SV2C: variants seen among roughly 807,000 people sequenced by gnomAD.
The protein encoded by SV2C is solute carrier family 22 member B3.
Under a neutral mutation model 79.7 loss-of-function variants are expected in SV2C, and 49 were observed. The observed-to-expected ratio is 0.61, with a 90% CI of 0.49 to 0.78. SV2C has a LOEUF of 0.78. Among genes scored for constraint, SV2C ranks in the 30% least tolerant of loss-of-function variants. The pLI, the probability that SV2C is intolerant of heterozygous loss-of-function variation, is 0.00. For missense variants in SV2C, 833 were observed against 912.9 expected, an observed-to-expected ratio of 0.91 and a Z score of 1.13; for synonymous variants, 334 against 333.2, an observed-to-expected ratio of 1.00 and a Z score of -0.03.
intron 4 of SV2C, among the ~76,000 whole-genome samples, chr5:76,237,888 G>A (rs982857762): frequency 3.3e-5 from 5 of 151,842 alleles, no homozygotes; most frequent in African/African-American, 1.2e-4. Context: ...ATATTCAAAT[G>A]TGTCTGTTAC....
In SV2C at chr5:76,132,094, A is replaced by G. The variant is rs1748915051; in HGVS notation, c.344A>G (p.Asp115Gly). The G allele has an allele frequency of 6.2e-7, 1 of 1,613,612 alleles. No homozygotes were observed. The highest frequency in any genetic ancestry group is 1.1e-5 in the South Asian group (1 of 91,004). ...GTGTCAGTGGGGCAGCCCAAGGGCG[A>G]TGAGTACAAGGACCGGCGGGAGCTG... ...SIVSVGQPKG[D>G]EYKDRRELES... The change falls in exon 2 of 13, where the codon GAT (aspartate) becomes GGT (glycine). Residue 115 changes from aspartate (D) to glycine (G), a missense_variant. By Grantham distance (94) the Asp-to-Gly change is moderately conservative. Transcript: ENST00000502798.
the SV2C span, among the ~76,000 whole-genome samples, chr5:75,922,611 G>A: frequency 6.6e-6 from 1 of 152,206 alleles, no homozygotes; most frequent in Non-Finnish European, 1.5e-5. Context: ...GGGAATAAAA[G>A]AAGACTGTCT....
intron 8 of SV2C, 93 bp from the exon 9 acceptor site, chr5:76,295,685 G>C: frequency 7.9e-7 from 1 of 1,262,728 alleles, no homozygotes; most frequent in Non-Finnish European, 1.1e-6. Flanking sequence ...GCCATTCTCC[G>C]GGAACTATTA....
At chr5:76,076,444 A>T in the SV2C span, among the ~76,000 whole-genome samples, 1 of 152,258 alleles carries the variant, frequency 6.6e-6, no homozygotes, top group Non-Finnish European at 1.5e-5. Flanking sequence ...TCAGGAAAAG[A>T]TTGAAGTTTC....
chr5:75,861,637 T>C, the SV2C span, among the ~76,000 whole-genome samples: 136 of 149,580 alleles, frequency 9.1e-4, no homozygotes, highest in African/African-American at 3.2e-3. Context: ...GACACAGCCA[T>C]GAAAAGAATG....
intron 4 of SV2C, among the ~76,000 whole-genome samples, chr5:76,228,461 T>C (rs1010952881): frequency 2.0e-5 from 3 of 152,126 alleles, no homozygotes; most frequent in Non-Finnish European, 4.4e-5. Context: ...TGCCTGATGA[T>C]GCACTTCAGG....
chr5:75,903,050 G>A, the SV2C span, among the ~76,000 whole-genome samples: 1 of 152,138 alleles, frequency 6.6e-6, no homozygotes, highest in Non-Finnish European at 1.5e-5. Flanking sequence ...TAAGAAATTT[G>A]AGCTCAATAA....
the SV2C span, among the ~76,000 whole-genome samples, chr5:76,025,798 T>C: frequency 2.0e-5 from 3 of 152,210 alleles, no homozygotes; most frequent in African/African-American, 7.2e-5. Flanking sequence ...GGTTTCTGTA[T>C]GGCTTTGGGG....
the SV2C span, among the ~76,000 whole-genome samples, chr5:75,891,690 C>T: frequency 3.3e-5 from 5 of 152,088 alleles, no homozygotes; most frequent in Non-Finnish European, 7.4e-5. Flanking sequence ...AATTTAAAAT[C>T]CATTTTCTTT....
At position 76,131,744 on chromosome 5, in the gene SV2C, A is replaced by G. The variant is rs1748897196; in HGVS notation, c.-7A>G. On this transcript the variant is annotated 5_prime_UTR_variant, in exon 2 of 13. Coordinates refer to ENST00000502798, the MANE Select transcript of SV2C (RefSeq NM_014979.4). ...CCATCTTCTCATTGGCCATCAGTTG[A>G]GATAAGATGGAAGACTCTTACAAGG... The G allele has an allele frequency of 6.3e-7, 1 of 1,588,884 alleles. No individual in the cohort carries two copies. Among genetic ancestry groups the G allele is most frequent in the Admixed American group, 1.7e-5 (1 of 57,516 alleles).
At chr5:76,212,964 A>G (rs750365129) in intron 4 of SV2C, among the ~76,000 whole-genome samples, 2 of 152,192 alleles carry the variant, frequency 1.3e-5, no homozygotes, top group African/African-American at 2.4e-5. Flanking sequence ...ATTCATATAT[A>G]ACTAGAATGA....
At chr5:76,064,172 G>T in the SV2C span, among the ~76,000 whole-genome samples, 7 of 152,142 alleles carry the variant, frequency 4.6e-5, no homozygotes, top group Non-Finnish European at 1.0e-4. Context: ...GGAGATTAAA[G>T]CTAATACTAG....
At chr5:76,146,808 A>T (rs1316660826) in intron 2 of SV2C, among the ~76,000 whole-genome samples, 1 of 149,790 alleles carries the variant, frequency 6.7e-6, no homozygotes, top group Non-Finnish European at 1.5e-5. Flanking sequence ...AAAAAAAAAA[A>T]AAAAAAAAAA....
At chr5:75,969,271 T>C in the SV2C span, among the ~76,000 whole-genome samples, 1 of 152,106 alleles carries the variant, frequency 6.6e-6, no homozygotes. Flanking sequence ...CATCAACTAA[T>C]GAGCAAAATA....
the SV2C span, among the ~76,000 whole-genome samples, chr5:75,960,949 A>G: frequency 2.0e-5 from 3 of 151,990 alleles, no homozygotes; most frequent in Non-Finnish European, 4.4e-5. Context: ...GGGCTGTTCA[A>G]GTGAATTTAT....
the SV2C span, among the ~76,000 whole-genome samples, chr5:76,003,305 T>A: frequency 6.6e-6 from 1 of 152,046 alleles, no homozygotes; most frequent in Non-Finnish European, 1.5e-5. Flanking sequence ...AAAGATGAGG[T>A]GGGAGTGTGG....
At chr5:75,908,085 A>G in the SV2C span, among the ~76,000 whole-genome samples, 2 of 152,262 alleles carry the variant, frequency 1.3e-5, no homozygotes, top group Non-Finnish European at 2.9e-5. Flanking sequence ...CATTTAAAGT[A>G]CACAATTCAA....
downstream of SV2C, among the ~76,000 whole-genome samples, chr5:76,335,762 A>C (rs1202499698): frequency 3.9e-5 from 6 of 152,196 alleles, no homozygotes; most frequent in Non-Finnish European, 5.9e-5. Flanking sequence ...CAACAGGATC[A>C]CAAGGCAGAA....
chr5:76,285,802 T>G lies in SV2C; in HGVS notation c.1069T>G (p.Trp357Gly). 1 of 1,614,056 alleles carries G rather than the reference T, an allele frequency of 6.2e-7. No individual in the cohort carries two copies. The highest frequency in any genetic ancestry group is 1.1e-5 in the South Asian group (1 of 91,044). Residue 357 changes from tryptophan (W) to glycine (G), a missense_variant, in exon 6 of 13, where the codon TGG becomes GGG. Trp to Gly is a radical substitution (Grantham distance 184, BLOSUM62 -2). Transcript: ENST00000502798. ...LLEVGKHDEA[W>G]MILKLIHDTN... ...TTAGGTTGGAAAACATGATGAAGCT[T>G]GGATGATTCTGAAGTTAATTCATGA...
Sources: gnomAD v4.1 joint callset for allele counts (sites outside exome capture counted in the v4.1 genomes callset) on GRCh38, gnomAD v4.1.1 for gene constraint, MANE v1.5 for transcripts, NCBI Gene and HGNC (gene_info 2026-07-23, HGNC 2026-07-21) for gene names.